The following ARHGEF38 variants were observed in gnomAD, a reference collection of about 807,000 sequenced individuals.
The protein encoded by ARHGEF38 is Rho guanine nucleotide exchange factor 38.
A neutral mutation model predicts 79.9 loss-of-function variants in ARHGEF38; 79 were observed. The ratio of observed to expected loss-of-function variants is 0.99; its 90% CI spans 0.82 to 1.19. ARHGEF38 has a LOEUF of 1.19. ARHGEF38 is among the 50% of genes most tolerant of loss of function. The pLI, the probability that ARHGEF38 is intolerant of heterozygous loss-of-function variation, is 0.00. For synonymous variants in ARHGEF38, 366 were observed against 328.3 expected (o/e 1.11, Z -1.24); for missense variants, 962 against 907.2 (o/e 1.06, Z -0.78).
intron 2 of ARHGEF38, among the ~76,000 whole-genome samples, chr4:105,610,353 T>C (rs1728239666): frequency 6.6e-6 from 1 of 152,026 alleles, no homozygotes; most frequent in South Asian, 2.1e-4. Flanking sequence ...AAAAGAAACA[T>C]TAGCCTTTAA....
At chr4:105,602,279 C>T (rs75092650) in intron 2 of ARHGEF38, among the ~76,000 whole-genome samples, 17 of 152,028 alleles carry the variant, frequency 1.1e-4, no homozygotes, top group African/African-American at 1.9e-4. Context: ...TGGAGTAAGA[C>T]GAGATAGGTC....
chr4:105,598,672 C>T (rs1354872656), intron 2 of ARHGEF38, among the ~76,000 whole-genome samples: 1 of 151,516 alleles, frequency 6.6e-6, no homozygotes, highest in Non-Finnish European at 1.5e-5. Flanking sequence ...GGTTAGAACT[C>T]CATTTTTTTT....
Position 105,659,240 on chromosome 4 carries a change from G to C in ARHGEF38, c.1420G>C (p.Val474Leu), listed in dbSNP as rs1307465834. The change falls in exon 10 of 14, where the codon GTG becomes CTG. Residue 474 changes from valine to leucine, a missense_variant. Coordinates refer to ENST00000420470, the MANE Select transcript of ARHGEF38 (RefSeq NM_001242729.2). ...KEYEALNAQL[V>L]EELQAFNQAA... ...GTATGAGGCCCTCAACGCCCAGCTT[G>C]TGGAGGAGCTCCAGGCATTCAACCA... 8 of 1,536,010 alleles carry C rather than the reference G, an allele frequency of 5.2e-6. No homozygotes were observed. The highest frequency in any genetic ancestry group is 7.0e-6 in the Non-Finnish European group (8 of 1,146,892).
intron 1 of ARHGEF38, among the ~76,000 whole-genome samples, chr4:105,557,636 C>T (rs1445366120): frequency 1.3e-5 from 2 of 150,420 alleles, no homozygotes; most frequent in Non-Finnish European, 2.9e-5. Context: ...GCTTGCTTCT[C>T]TCTGCTCTCA....
intron 2 of ARHGEF38, among the ~76,000 whole-genome samples, chr4:105,607,215 A>G (rs1728085376): frequency 6.6e-6 from 1 of 152,122 alleles, no homozygotes; most frequent in East Asian, 1.9e-4. Flanking sequence ...CCAATGGCCA[A>G]ACTAAGCACC....
At chr4:105,556,675 C>G (rs1346893945) in intron 1 of ARHGEF38, among the ~76,000 whole-genome samples, 1 of 152,126 alleles carries the variant, frequency 6.6e-6, no homozygotes, top group Non-Finnish European at 1.5e-5. Flanking sequence ...CCCTATCTGT[C>G]TTGTTAACTG....
At chr4:105,561,470 G>GAATGA (rs2110399939) in intron 1 of ARHGEF38, 1 of 113,224 alleles carries the variant, frequency 8.8e-6, no homozygotes, top group South Asian at 3.0e-4. Flanking sequence ...GAATAGAATA[G>GAATGA]AATAGAATAG....
chr4:105,648,692 C>T lies in ARHGEF38; in HGVS notation c.1008+10C>T. 1 of 1,500,472 alleles carries T rather than the reference C, an allele frequency of 6.7e-7. No homozygotes were observed. The highest frequency in any genetic ancestry group is 1.4e-5 in the African/African-American group (1 of 71,308). 92.9% of individuals were successfully genotyped at this position (1,500,472 alleles called of 1,614,324 possible). A position where few individuals can be genotyped will look rare whatever the true frequency, so the allele number is the denominator to read the frequency against. ...CAGAGGAGAATCACAGGTAATTTTT[C>T]TTCTTGGACCACCCACCTTTTCCCA... On this transcript the variant is annotated intron_variant, in intron 7 of 13. Coordinates refer to ENST00000420470, the MANE Select transcript of ARHGEF38 (RefSeq NM_001242729.2).
intron 13 of ARHGEF38, among the ~76,000 whole-genome samples, chr4:105,675,791 A>G (rs1348800800): frequency 1.3e-5 from 2 of 152,176 alleles, no homozygotes; most frequent in Non-Finnish European, 2.9e-5. Context: ...TGGTTCATAG[A>G]TGGCACCTTC....
chr4:105,606,814 C>T (rs923637810), intron 2 of ARHGEF38, among the ~76,000 whole-genome samples: 1 of 152,004 alleles, frequency 6.6e-6, no homozygotes, highest in Non-Finnish European at 1.5e-5. Flanking sequence ...CACACAGACA[C>T]ACAGAGAAAA....
At chr4:105,563,308 TA>T (rs369026753) in intron 1 of ARHGEF38, 163 of 152,312 alleles carry the variant, frequency 1.1e-3, no homozygotes, top group African/African-American at 3.8e-3. Context: ...TTAGGACTTT[TA>T]GGGGCAGAAG....
At chr4:105,622,366 C>T in intron 3 of ARHGEF38, among the ~76,000 whole-genome samples, 1 of 152,140 alleles carries the variant, frequency 6.6e-6, no homozygotes, top group African/African-American at 2.4e-5. Context: ...TTCCTGAACA[C>T]TTTCCCAGCC....
At chr4:105,638,131 A>G (rs1560738558) in intron 5 of ARHGEF38, among the ~76,000 whole-genome samples, 4 of 152,222 alleles carry the variant, frequency 2.6e-5, no homozygotes, top group African/African-American at 4.8e-5. Flanking sequence ...TGTTGCAGCC[A>G]AAAGGGCATT....
In ARHGEF38 at chr4:105,559,676, C is replaced by T. The variant is rs35960715; in HGVS notation, c.196+6715C>T. 8.9e-3 allele frequency among the ~76,000 whole-genome samples: 1,358 copies of T among 152,110 alleles called. 9 individuals carry two copies. The highest frequency in any genetic ancestry group is 0.02 in the Middle Eastern group (6 of 294). On this transcript the variant is annotated intron_variant, in intron 1 of 13. Transcript: ENST00000420470. ...AATAGTTTGCCAGCTTCATTTATAA[C>T]TTTTAAATATGTAGATCTGGTATGC... is the stretch of plus-strand genomic sequence containing the variant.
chr4:105,673,608 A>T (rs1023361281), intron 13 of ARHGEF38, among the ~76,000 whole-genome samples: 1 of 152,140 alleles, frequency 6.6e-6, no homozygotes, highest in Admixed American at 6.6e-5. Flanking sequence ...AGTATGAGGT[A>T]AAAAACAGCT....
At chr4:105,570,669 C>G (rs1726179469) in intron 1 of ARHGEF38, among the ~76,000 whole-genome samples, 1 of 152,140 alleles carries the variant, frequency 6.6e-6, no homozygotes, top group South Asian at 2.1e-4. Context: ...TTGTAACCAT[C>G]CTTATGATTC....
At position 105,557,327 on chromosome 4, in the gene ARHGEF38, G is replaced by C. The variant is rs772119930; in HGVS notation, c.196+4366G>C. ...TTGAGACACTTTTTTGCAATGATTA[G>C]ACTTTTTATTGAAAGTTACTATAAA... On this transcript the variant is annotated intron_variant, in intron 1 of 13. Transcript: ENST00000420470. Among the ~76,000 whole-genome samples the C allele has an allele frequency of 3.3e-5, 5 of 151,960 alleles. No homozygotes were observed. In the South Asian group the frequency reaches 1.0e-3, roughly 32 times the overall value.
At chr4:105,656,179 C>T (rs947523365) in intron 9 of ARHGEF38, among the ~76,000 whole-genome samples, 1 of 152,038 alleles carries the variant, frequency 6.6e-6, no homozygotes, top group African/African-American at 2.4e-5. Context: ...CTCAGCCTCT[C>T]GAGTAGCTGG....
At chr4:105,590,321 C>G (rs1727278794) in intron 2 of ARHGEF38, among the ~76,000 whole-genome samples, 1 of 151,994 alleles carries the variant, frequency 6.6e-6, no homozygotes, top group Admixed American at 6.6e-5. Context: ...AGTGATAACT[C>G]ATCATTAGGG....
Sources: gnomAD v4.1 joint callset for allele counts (sites outside exome capture counted in the v4.1 genomes callset) on GRCh38, gnomAD v4.1.1 for gene constraint, MANE v1.5 for transcripts, NCBI Gene and HGNC (gene_info 2026-07-23, HGNC 2026-07-21) for gene names.